NXPE2: variants seen among roughly 807,000 people sequenced by gnomAD.
NXPE2 encodes the protein neurexophilin and PC-esterase domain family member 2, also known as NXPE family member 2.
NXPE2 carries 34 observed loss-of-function variants against 34.4 expected under a neutral mutation model. The ratio of observed to expected loss-of-function variants is 0.99; its 90% CI spans 0.75 to 1.31. The LOEUF is 1.31. Ranked by LOEUF, NXPE2 falls within the 40% of genes most tolerant of loss-of-function variation. The pLI, the probability that NXPE2 is intolerant of heterozygous loss-of-function variation, is 0.00. For synonymous variants in NXPE2, 235 were observed against 231.3 expected, an observed-to-expected ratio of 1.02 and a Z score of -0.15; for missense variants, 649 against 672.5, an observed-to-expected ratio of 0.97 and a Z score of 0.39.
chr11:114,698,724 C>T lies in NXPE2; in HGVS notation c.812C>T (p.Thr271Ile), dbSNP rs1330040912. 1.9e-6 allele frequency: 3 copies of T among 1,609,712 alleles called. No individual in the cohort carries two copies. In the East Asian group the frequency reaches 6.7e-5, roughly 36 times the overall value. ...TGTGAGGCCTTGACCCACATGACCA[C>T]TAGGACAAGAAATATTTCCTATCTT... ...MPCEALTHMT[T>I]RTRNISYLSK... Residue 271 changes from threonine (T) to isoleucine (I), a missense_variant, in exon 3 of 6, where the codon ACT becomes ATT. Coordinates refer to ENST00000389586, the MANE Select transcript of NXPE2 (RefSeq NM_182495.6).
At chr11:114,744,025 GCT>G in the NXPE2 span, among the ~76,000 whole-genome samples, 1 of 151,992 alleles carries the variant, frequency 6.6e-6, no homozygotes, top group Admixed American at 6.6e-5. Flanking sequence ...TATGGATTCT[GCT>G]CTCTCATTGC....
At chr11:114,475,084 A>C in the NXPE2 span, among the ~76,000 whole-genome samples, 2 of 152,162 alleles carry the variant, frequency 1.3e-5, no homozygotes, top group Non-Finnish European at 2.9e-5. Context: ...CTTAGGAGAA[A>C]TGTGAACATC....
chr11:114,574,740 C>T, the NXPE2 span, among the ~76,000 whole-genome samples: 1 of 151,984 alleles, frequency 6.6e-6, no homozygotes, highest in Non-Finnish European at 1.5e-5. Flanking sequence ...GATAGATTCA[C>T]AGCTGATTTC....
the NXPE2 span, among the ~76,000 whole-genome samples, chr11:114,779,170 G>A: frequency 5.8e-3 from 877 of 152,304 alleles, 4 homozygotes; most frequent in Non-Finnish European, 9.4e-3. Flanking sequence ...TGGCTCTGTG[G>A]ATATAAGAAA....
At chr11:114,547,044 C>T in the NXPE2 span, among the ~76,000 whole-genome samples, 3 of 152,110 alleles carry the variant, frequency 2.0e-5, no homozygotes, top group Non-Finnish European at 2.9e-5. Context: ...TATGCAGATT[C>T]TCCCCACTCA....
the NXPE2 span, among the ~76,000 whole-genome samples, chr11:114,768,488 A>G: frequency 6.6e-6 from 1 of 152,216 alleles, no homozygotes; most frequent in Non-Finnish European, 1.5e-5. Flanking sequence ...TTGAATCTAT[A>G]AATTACTTTG....
the NXPE2 span, among the ~76,000 whole-genome samples, chr11:114,712,250 A>G: frequency 6.6e-6 from 1 of 152,192 alleles, no homozygotes; most frequent in African/African-American, 2.4e-5. Flanking sequence ...TGGCTATGAC[A>G]CCAAATGCAA....
chr11:114,748,845 C>A, the NXPE2 span, among the ~76,000 whole-genome samples: 1 of 152,136 alleles, frequency 6.6e-6, no homozygotes, highest in African/African-American at 2.4e-5. Context: ...ATCAAACTTT[C>A]AATTTATTTA....
the NXPE2 span, among the ~76,000 whole-genome samples, chr11:114,664,876 T>C: frequency 6.6e-6 from 1 of 152,130 alleles, no homozygotes; most frequent in African/African-American, 2.4e-5. Context: ...TACTACTGGA[T>C]TGTCAGATGA....
the NXPE2 span, among the ~76,000 whole-genome samples, chr11:114,719,492 A>G: frequency 6.6e-6 from 1 of 152,154 alleles, no homozygotes; most frequent in Non-Finnish European, 1.5e-5. Context: ...TTCTCTTCAC[A>G]TTGTCCTTGG....
the NXPE2 span, among the ~76,000 whole-genome samples, chr11:114,651,652 A>G: frequency 6.6e-6 from 1 of 152,048 alleles, no homozygotes; most frequent in African/African-American, 2.4e-5. Context: ...CAGACTTCTG[A>G]TTGGTCCGTT....
the NXPE2 span, among the ~76,000 whole-genome samples, chr11:114,744,916 A>G: frequency 6.6e-6 from 1 of 152,250 alleles, no homozygotes; most frequent in South Asian, 2.1e-4. Context: ...TGTGTATAAA[A>G]TAATTAAGAA....
the NXPE2 span, among the ~76,000 whole-genome samples, chr11:114,663,637 C>CTATCTATCATCTATCATCT: frequency 7.2e-6 from 1 of 138,754 alleles, no homozygotes; most frequent in Non-Finnish European, 1.5e-5. Flanking sequence ...ATCTATCTAT[C>CTATCTATCATCTATCATCT]ATCTATCCAT....
the NXPE2 span, among the ~76,000 whole-genome samples, chr11:114,519,711 T>C: frequency 6.6e-6 from 1 of 151,998 alleles, no homozygotes; most frequent in African/African-American, 2.4e-5. Context: ...CAGAGACTGA[T>C]GTATTTGAAC....
At chr11:114,644,006 T>C in the NXPE2 span, among the ~76,000 whole-genome samples, 1 of 152,190 alleles carries the variant, frequency 6.6e-6, no homozygotes, top group Non-Finnish European at 1.5e-5. Context: ...TTGCTAGGCA[T>C]TTTATTCTCT....
chr11:114,736,149 C>T, the NXPE2 span, among the ~76,000 whole-genome samples: 29 of 152,174 alleles, frequency 1.9e-4, no homozygotes, highest in South Asian at 4.4e-3. Context: ...AGGACCAGGG[C>T]GAAATTAAAA....
chr11:114,662,821 AG>A, the NXPE2 span, among the ~76,000 whole-genome samples: 1 of 152,138 alleles, frequency 6.6e-6, no homozygotes, highest in African/African-American at 2.4e-5. Context: ...GCTGCCTCGA[AG>A]GAAAGGACCC....
intron 2 of NXPE2, among the ~76,000 whole-genome samples, chr11:114,695,996 T>C (rs1352765949): frequency 6.6e-6 from 1 of 151,404 alleles, no homozygotes; most frequent in East Asian, 1.9e-4. Context: ...CCAGCCTGGG[T>C]GACACAGCGA....
chr11:114,641,150 A>G, the NXPE2 span, among the ~76,000 whole-genome samples: 2 of 152,032 alleles, frequency 1.3e-5, no homozygotes, highest in Non-Finnish European at 2.9e-5. Context: ...AAATCAAATT[A>G]GTGAGCTGGA....
Sources: allele counts gnomAD v4.1 joint callset (sites outside exome capture counted in the v4.1 genomes callset), GRCh38; gene constraint gnomAD v4.1.1; transcripts MANE v1.5; gene names NCBI Gene and HGNC (gene_info 2026-07-23, HGNC 2026-07-21).